The following CTNNB1 variants were observed in gnomAD, a reference collection of about 807,000 sequenced individuals.
CTNNB1 encodes catenin beta 1.
In CTNNB1, 6 loss-of-function variants were observed where a neutral mutation model predicts 82.5. That is an observed-to-expected ratio of 0.07 (90% CI 0.04 to 0.14). The LOEUF is 0.14. Among genes scored for constraint, CTNNB1 ranks in the 10% least tolerant of loss-of-function variants. CTNNB1 has a pLI of 1.00. For missense variants in CTNNB1, 529 were observed against 980.4 expected (o/e 0.54, Z 6.15); for synonymous variants, 312 against 329.7 (o/e 0.95, Z 0.58).
intron 3 of CTNNB1, 76 bp downstream of exon 3, chr3:41,224,829 GT>G: frequency 1.9e-6 from 3 of 1,595,566 alleles, no homozygotes; most frequent in Admixed American, 1.7e-5. Context: ...GTGTATAATA[GT>G]TTAAATAAAA....
At chr3:41,200,249 C>G (rs555876251) in intron 1 of CTNNB1, 19 of 152,238 alleles carry the variant, frequency 1.2e-4, no homozygotes, top group African/African-American at 3.6e-4. Context: ...AATGCCCTGG[C>G]TATGTGAGTT....
At position 41,223,873 on chromosome 3, in the gene CTNNB1, A is replaced by G; in HGVS notation, c.-48-148A>G. The G allele has an allele frequency of 6.5e-6, 4 of 611,754 alleles. 1 individual carries two copies. The highest frequency in any genetic ancestry group is 1.2e-5 in the Non-Finnish European group (4 of 341,930). The allele number at this position is 611,754 out of a possible 1,614,324, so 37.9% of individuals were successfully genotyped here. ...GTGGTTGAGGTGTCTGGAGGAGACC[A>G]TGAGGTCTGCGTTTCACTAACCTGG... is the stretch of plus-strand genomic sequence containing the variant. On this transcript the variant is annotated intron_variant, in intron 1 of 14. Coordinates refer to ENST00000349496, the MANE Select transcript of CTNNB1 (RefSeq NM_001904.4).
At chr3:41,211,838 A>G (rs908921789) in intron 1 of CTNNB1, among the ~76,000 whole-genome samples, 11 of 152,200 alleles carry the variant, frequency 7.2e-5, no homozygotes, top group East Asian at 3.9e-4. Context: ...ATTATTGGAA[A>G]GGCCTTCTAA....
intron 1 of CTNNB1, chr3:41,221,104 C>T (rs928159368): frequency 2.6e-5 from 4 of 152,210 alleles, no homozygotes; most frequent in Non-Finnish European, 4.4e-5. Flanking sequence ...GGCTAGCCCC[C>T]TCTTTGTCAA....
chr3:41,226,423 C>T (rs1221909355), intron 6 of CTNNB1, among the ~76,000 whole-genome samples: 1 of 151,988 alleles, frequency 6.6e-6, no homozygotes, highest in Middle Eastern at 3.2e-3. Context: ...TTTGAGGGTT[C>T]AAGGAGACCT....
intron 1 of CTNNB1, among the ~76,000 whole-genome samples, chr3:41,206,731 T>C (rs969857978): frequency 6.6e-5 from 10 of 151,970 alleles, no homozygotes; most frequent in Non-Finnish European, 1.3e-4. Context: ...GAATGCCACA[T>C]GTATAAGGGA....
rs370564984 is a variant in CTNNB1 at position 41,230,439 on chromosome 3, A to G, written c.1082-2902A>G. 1.1e-3 allele frequency among the ~76,000 whole-genome samples: 168 copies of G among 152,292 alleles called. 2 individuals carry two copies. Among genetic ancestry groups the G allele is most frequent in the African/African-American group, 3.6e-3 (150 of 41,568 alleles). ...CTTTAAGTTCTTCCAGGTTATTCTTATGTTCATTTGTTTATTCTGAAAATA... is the reference window on the plus strand; with the variant it reads ...CTTTAAGTTCTTCCAGGTTATTCTTGTGTTCATTTGTTTATTCTGAAAATA... On this transcript the variant is annotated intron_variant, in intron 7 of 14. Transcript: ENST00000349496.
At chr3:41,236,274 G>A in intron 11 of CTNNB1, 75 bp from the exon 12 acceptor site, 4 of 1,561,016 alleles carry the variant, frequency 2.6e-6, no homozygotes, top group Non-Finnish European at 3.5e-6. Flanking sequence ...AATTGGGAAT[G>A]TTTGCACCAC....
At chr3:41,210,455 A>T (rs2125594013) in intron 1 of CTNNB1, among the ~76,000 whole-genome samples, 1 of 151,016 alleles carries the variant, frequency 6.6e-6, no homozygotes. Context: ...ACTCCGTCTC[A>T]AAAAAAAACA....
intron 1 of CTNNB1, among the ~76,000 whole-genome samples, chr3:41,219,777 G>A (rs900138125): frequency 6.6e-6 from 1 of 152,150 alleles, no homozygotes; most frequent in African/African-American, 2.4e-5. Context: ...CTTAAACTCA[G>A]TAACAGTGTT....
chr3:41,234,433 A>G (rs1246544740), intron 10 of CTNNB1, 136 bp downstream of exon 10: 1 of 853,494 alleles, frequency 1.2e-6, no homozygotes, highest in African/African-American at 1.7e-5. Flanking sequence ...AAATAAATAA[A>G]TAATTACACA....
intron 14 of CTNNB1, 40 bp downstream of exon 14, chr3:41,238,116 T>G (rs777378659): frequency 1.3e-6 from 2 of 1,573,372 alleles, no homozygotes; most frequent in South Asian, 1.1e-5. Context: ...CAGATCAAGC[T>G]AAAGTTCTAA....
chr3:41,208,783 C>G (rs1292352182), intron 1 of CTNNB1, among the ~76,000 whole-genome samples: 1 of 152,156 alleles, frequency 6.6e-6, no homozygotes, highest in Non-Finnish European at 1.5e-5. Context: ...AGATTCCATC[C>G]CCTCTTGCTC....
intron 13 of CTNNB1, 29 bp downstream of exon 13, chr3:41,236,738 G>T (rs2125647672): frequency 6.2e-7 from 1 of 1,613,862 alleles, no homozygotes; most frequent in Non-Finnish European, 8.5e-7. Context: ...TTATTTATCT[G>T]GTAGTTTCCT....
chr3:41,224,471 T>A (rs998032525), intron 2 of CTNNB1, 55 bp from the exon 3 acceptor site: 18 of 1,475,326 alleles, frequency 1.2e-5, no homozygotes, highest in Admixed American at 9.0e-5. Context: ...TCTTTTTTTT[T>A]AAATTAAAGT....
At position 41,227,282 on chromosome 3, in the gene CTNNB1, G is replaced by A. The variant is rs2125627929; in HGVS notation, c.1011G>A (p.Leu337=). The stretch of plus-strand genomic sequence containing the variant: ...GGACCTATACTTACGAAAAACTACT[G>A]TGGACCACAAGCAGAGTGCTGAAGG... ...IMRTYTYEKL[L]WTTSRVLKVL... The change falls in exon 7 of 15, where the codon CTG becomes CTA. Residue 337 remains leucine, a synonymous_variant. Coordinates refer to ENST00000349496, the MANE Select transcript of CTNNB1 (RefSeq NM_001904.4). 8 of 1,613,886 alleles carry A rather than the reference G, an allele frequency of 5.0e-6. No individual in the cohort carries two copies. Among genetic ancestry groups the A allele is most frequent in the Non-Finnish European group, 6.8e-6 (8 of 1,179,848 alleles).
intron 1 of CTNNB1, among the ~76,000 whole-genome samples, chr3:41,203,745 T>C (rs1263606819): frequency 6.6e-6 from 1 of 152,202 alleles, no homozygotes; most frequent in African/African-American, 2.4e-5. Flanking sequence ...CCTTTGAATT[T>C]TTCCTTAAAA....
chr3:41,200,434 G>A (rs2125579533), intron 1 of CTNNB1: 2 of 152,396 alleles, frequency 1.3e-5, no homozygotes, highest in East Asian at 3.9e-4. Flanking sequence ...TTATGGTAGT[G>A]GGTATGAGAC....
chr3:41,204,850 A>G (rs1425639051), intron 1 of CTNNB1, among the ~76,000 whole-genome samples: 1 of 152,254 alleles, frequency 6.6e-6, no homozygotes, highest in Non-Finnish European at 1.5e-5. Context: ...GTGAATGTAC[A>G]TAATTTAGCA....
Sources: allele counts gnomAD v4.1 joint callset (sites outside exome capture counted in the v4.1 genomes callset), GRCh38; gene constraint gnomAD v4.1.1; transcripts MANE v1.5; gene names NCBI Gene and HGNC (gene_info 2026-07-23, HGNC 2026-07-21).